DENND3: variants seen among roughly 807,000 people sequenced by gnomAD.
DENND3 encodes the protein DENN domain containing 3.
DENND3 carries 88 observed loss-of-function variants against 135.1 expected under a neutral mutation model. The ratio of observed to expected loss-of-function variants is 0.65; its 90% confidence interval spans 0.55 to 0.78. The LOEUF (loss-of-function observed/expected upper bound fraction) is 0.78, where lower values mean the gene tolerates loss of function less well. Ranked by LOEUF, DENND3 falls within the 30% of genes least tolerant of loss-of-function variation. The pLI, the probability that DENND3 is intolerant of heterozygous loss-of-function variation, is 0.00. For synonymous variants in DENND3, 693 were observed against 712.3 expected (o/e 0.97, Z 0.43); for missense variants, 1,392 against 1,688.4 (o/e 0.82, Z 3.08).
intron 7 of DENND3, among the ~76,000 whole-genome samples, chr8:141,153,865 A>G (rs940208819): frequency 6.6e-6 from 1 of 152,236 alleles, no homozygotes; most frequent in African/African-American, 2.4e-5. Flanking sequence ...TCCAGTCAGC[A>G]GTGGGGGACA....
chr8:141,193,775 C>A, intron 22 of DENND3: 1 of 561,726 alleles, frequency 1.8e-6, no homozygotes, highest in Non-Finnish European at 3.2e-6. Flanking sequence ...TTGGTGAGAA[C>A]ACTTAAGATG....
Position 141,155,872 on chromosome 8 carries a change from A to T in DENND3, c.1098A>T (p.Ile366=), listed in dbSNP as rs746746863. The T allele has an allele frequency of 6.2e-7, 1 of 1,608,912 alleles. No homozygotes were observed. The highest frequency in any genetic ancestry group is 1.1e-5 in the South Asian group (1 of 90,046). ...VSKEADGLVL[I]NIDHGSITYS... ...AGGAAGCCGACGGTTTAGTTCTGAT[A>T]AATATTGATCATGGGAGCATCACCT... Residue 366 remains isoleucine, a synonymous_variant, in exon 8 of 23, where the codon ATA becomes ATT. Transcript: ENST00000519811.
At chr8:141,180,294 G>C (rs988658222) in intron 16 of DENND3, among the ~76,000 whole-genome samples, 9 of 152,212 alleles carry the variant, frequency 5.9e-5, no homozygotes, top group Admixed American at 5.9e-4. Context: ...CACGCCCCTG[G>C]TTCTAGGCTG....
intron 1 of DENND3, among the ~76,000 whole-genome samples, chr8:141,131,869 C>T (rs963482862): frequency 6.6e-6 from 1 of 152,158 alleles, no homozygotes; most frequent in Non-Finnish European, 1.5e-5. Context: ...GCAGAGGTGA[C>T]TAGCGTCTCG....
At chr8:141,143,991 C>G in intron 4 of DENND3, 157 bp from the exon 5 acceptor site, 1 of 606,126 alleles carries the variant, frequency 1.6e-6, no homozygotes, top group Non-Finnish European at 2.8e-6. Context: ...GGCCACTCTG[C>G]TGTCACCCAG....
In DENND3 at chr8:141,146,272, C is replaced by T. The variant is rs1818124544; in HGVS notation, c.735+2013C>T. 1.3e-5 allele frequency among the ~76,000 whole-genome samples: 2 copies of T among 152,268 alleles called. No homozygotes were observed. The highest frequency in any genetic ancestry group is 2.1e-4 in the South Asian group (1 of 4,828). On this transcript the variant is annotated intron_variant, in intron 5 of 22. Transcript: ENST00000519811. The surrounding 1 kb of genome is among the most constrained non-coding windows in gnomAD (Gnocchi z 4.3). Reference sequence around the variant, plus strand: ...TTACTTAATGAACAGGCAAACATTTCCCAGGCTGGTTTTTTTTCTGAGAGA... The same window carrying T: ...TTACTTAATGAACAGGCAAACATTTTCCAGGCTGGTTTTTTTTCTGAGAGA...
rs1169532868 is a variant in DENND3 at position 141,144,001 on chromosome 8, G to A, written c.624-147G>A. The A allele has an allele frequency of 3.2e-6, 2 of 634,146 alleles. No homozygotes were observed. The highest frequency in any genetic ancestry group is 5.3e-6 in the Non-Finnish European group (2 of 374,296). 39.3% of individuals were successfully genotyped at this position (634,146 alleles called of 1,614,324 possible). Reference sequence around the variant, plus strand: ...CCTGGGGCCACTCTGCTGTCACCCAGCAGCTTGGTGACTTTGCTTTTGGTG... The same window carrying A: ...CCTGGGGCCACTCTGCTGTCACCCAACAGCTTGGTGACTTTGCTTTTGGTG... On this transcript the variant is annotated intron_variant, in intron 4 of 22. Coordinates refer to ENST00000519811, the MANE Select transcript of DENND3 (RefSeq NM_001352890.3). This position sits in a 1 kb window ranked among gnomAD's most constrained non-coding sequence, Gnocchi z 4.4.
chr8:141,191,176 TGTGCCCCTTTCCAGGCC>T (rs1010137911), intron 20 of DENND3: 5 of 152,412 alleles, frequency 3.3e-5, no homozygotes, highest in African/African-American at 1.2e-4. Context: ...TGAAAGCGTC[TGTGCCCCTTTCCAGGCC>T]GTGCCGCCAT....
intron 22 of DENND3, chr8:141,192,964 G>A: frequency 1.6e-6 from 2 of 1,250,986 alleles, no homozygotes; most frequent in Non-Finnish European, 2.1e-6. Context: ...CAAGGTGTCG[G>A]CAGAGCCGCT....
intron 1 of DENND3, among the ~76,000 whole-genome samples, chr8:141,135,868 G>T (rs1051319373): frequency 6.6e-6 from 1 of 152,264 alleles, no homozygotes; most frequent in Non-Finnish European, 1.5e-5. Context: ...GTCAGCCGAG[G>T]AAGGGCACAT....
chr8:141,189,891 G>A (rs1824464551), intron 19 of DENND3, among the ~76,000 whole-genome samples: 1 of 152,204 alleles, frequency 6.6e-6, no homozygotes, highest in Non-Finnish European at 1.5e-5. Flanking sequence ...GGATCGTGCT[G>A]GCTCCCTGGT....
chr8:141,152,147 C>T (rs1362954509), intron 7 of DENND3, among the ~76,000 whole-genome samples: 1 of 152,168 alleles, frequency 6.6e-6, no homozygotes, highest in Non-Finnish European at 1.5e-5. Context: ...CTGTTGTGAC[C>T]CCTCTGTGAA....
At position 141,166,495 on chromosome 8, in the gene DENND3, TG is replaced by T. The variant is rs1820817399; in HGVS notation, c.1753+107del. Reference sequence around the variant, plus strand: ...TTGTTTCAGGAGAGACGAGTGGGCTTGTTTTAGCAGCTGAGTTATTTGAAAT... The same window carrying T: ...TTGTTTCAGGAGAGACGAGTGGGCTTTTTTAGCAGCTGAGTTATTTGAAAT... On this transcript the variant is annotated intron_variant, in intron 12 of 22. Coordinates refer to ENST00000519811, the MANE Select transcript of DENND3 (RefSeq NM_001352890.3). This position sits in a 1 kb window ranked among gnomAD's most constrained non-coding sequence, Gnocchi z 4.3. 1 of 1,176,356 alleles carries T rather than the reference TG, an allele frequency of 8.5e-7. No homozygotes were observed. Among genetic ancestry groups the T allele is most frequent in the Non-Finnish European group, 1.2e-6 (1 of 847,642 alleles). The allele number at this position is 1,176,356 out of a possible 1,614,324, so 72.9% of individuals were successfully genotyped here.
intron 13 of DENND3, among the ~76,000 whole-genome samples, chr8:141,172,578 G>A (rs1236141276): frequency 6.6e-6 from 1 of 152,228 alleles, no homozygotes; most frequent in Non-Finnish European, 1.5e-5. Context: ...GGCGCAAGGG[G>A]CAGGACCCAT....
chr8:141,192,747 C>A, intron 22 of DENND3, 84 bp downstream of exon 22: 1 of 1,607,820 alleles, frequency 6.2e-7, no homozygotes, highest in South Asian at 1.1e-5. Flanking sequence ...GAGAGCCAGC[C>A]GCACGCCCTC....
At chr8:141,148,913 G>A (rs1818460702) in intron 5 of DENND3, among the ~76,000 whole-genome samples, 1 of 147,962 alleles carries the variant, frequency 6.8e-6, no homozygotes, top group Admixed American at 6.6e-5. Flanking sequence ...AAATGAATCT[G>A]CCTTTTTTTT....
chr8:141,190,339 C>T lies in DENND3; in HGVS notation c.3301C>T (p.Leu1101=). 1 of 1,613,482 alleles carries T rather than the reference C, an allele frequency of 6.2e-7. No homozygotes were observed. The highest frequency in any genetic ancestry group is 8.5e-7 in the Non-Finnish European group (1 of 1,179,838). Residue 1101 remains leucine, a synonymous_variant, in exon 20 of 23, where the codon CTG becomes TTG. Coordinates refer to ENST00000519811, the MANE Select transcript of DENND3 (RefSeq NM_001352890.3). ...GMVLVWNVST[L]QVTSRFQLPR... is the part of the protein sequence containing the mutation. ...GGTGCTGGTGTGGAATGTGAGCACA[C>T]TGCAGGTGACCAGCCGCTTCCAGCT...
chr8:141,180,934 G>A (rs1325370302), intron 17 of DENND3, 80 bp downstream of exon 17: 6 of 1,120,696 alleles, frequency 5.4e-6, no homozygotes, highest in Non-Finnish European at 5.1e-6. Context: ...GGTCAGCCCT[G>A]AAGTGAAAGG....
Position 141,175,495 on chromosome 8 carries a change from C to T in DENND3, c.2535+36C>T, listed in dbSNP as rs774538049. 5.6e-6 allele frequency: 9 copies of T among 1,613,606 alleles called. No homozygotes were observed. The highest frequency in any genetic ancestry group is 6.8e-6 in the Non-Finnish European group (8 of 1,180,004). ...CACAGGCAGACGGCGCCAGACCCCA[C>T]CTGTGTTTAGGAGACAGATGGCTGG... On this transcript the variant is annotated intron_variant, in intron 14 of 22. Transcript: ENST00000519811. This position sits in a 1 kb window ranked among gnomAD's most constrained non-coding sequence, Gnocchi z 5.4.
Sources: allele counts gnomAD v4.1 joint callset (sites outside exome capture counted in the v4.1 genomes callset), GRCh38; gene constraint gnomAD v4.1.1; non-coding constraint Gnocchi (gnomAD v3.1); transcripts MANE v1.5; gene names NCBI Gene and HGNC (gene_info 2026-07-23, HGNC 2026-07-21).